The following SMG6 variants were observed in gnomAD, a reference collection of about 807,000 sequenced individuals.
SMG6 encodes the protein SMG6 nonsense mediated mRNA decay factor, also known as telomerase-binding protein EST1A.
A neutral mutation model predicts 142.2 loss-of-function variants in SMG6; 66 were observed. The ratio of observed to expected loss-of-function variants is 0.46; its 90% confidence interval spans 0.38 to 0.57. The LOEUF (loss-of-function observed/expected upper bound fraction) is 0.57. Among genes scored for constraint, SMG6 ranks in the 20% least tolerant of loss-of-function variants. The pLI, the probability that SMG6 is intolerant of heterozygous loss-of-function variation, is 0.00. For missense variants in SMG6, 1,793 were observed against 1,832.0 expected (o/e 0.98, Z 0.39); for synonymous variants, 779 against 702.4 (o/e 1.11, Z -1.72).
chr17:2,284,833 G>A (rs1158045222), intron 6 of SMG6, among the ~76,000 whole-genome samples: 1 of 152,132 alleles, frequency 6.6e-6, no homozygotes, highest in African/African-American at 2.4e-5. Context: ...AATGCATATA[G>A]TTTAACAGAA....
At chr17:2,098,501 G>A (rs2068918943) in intron 13 of SMG6, among the ~76,000 whole-genome samples, 1 of 152,124 alleles carries the variant, frequency 6.6e-6, no homozygotes, top group South Asian at 2.1e-4. Context: ...CCAGGGTAGG[G>A]TTTTACATTC....
chr17:2,262,686 A>T (rs1029252940), intron 8 of SMG6, among the ~76,000 whole-genome samples: 1 of 152,182 alleles, frequency 6.6e-6, no homozygotes, highest in African/African-American at 2.4e-5. Flanking sequence ...TCCAGTGTAT[A>T]TATTTCTATT....
chr17:2,211,666 TA>T (rs58516730), intron 10 of SMG6, among the ~76,000 whole-genome samples: 43,763 of 134,924 alleles, frequency 0.32, 7,057 homozygotes, highest in Admixed American at 0.4. Flanking sequence ...TCCATCTAAT[TA>T]AAAAAAAAAA....
intron 10 of SMG6, chr17:2,214,377 G>A (rs2072952067): frequency 8.2e-6 from 1 of 121,880 alleles, no homozygotes; most frequent in South Asian, 2.7e-4. Flanking sequence ...CCCCAATCCA[G>A]GCTCCCGAAG....
chr17:2,277,537 T>A (rs1567740918), intron 8 of SMG6, among the ~76,000 whole-genome samples: 1 of 152,218 alleles, frequency 6.6e-6, no homozygotes, highest in Non-Finnish European at 1.5e-5. Context: ...TCCTATCTTT[T>A]TCACTATGTC....
intron 8 of SMG6, among the ~76,000 whole-genome samples, chr17:2,259,285 T>C (rs2151330014): frequency 6.6e-6 from 1 of 151,502 alleles, no homozygotes; most frequent in South Asian, 2.1e-4. Context: ...ACCATGCAAG[T>C]TGGCAGAAGC....
chr17:2,231,470 G>T (rs192072089), intron 10 of SMG6, among the ~76,000 whole-genome samples: 3 of 152,262 alleles, frequency 2.0e-5, no homozygotes, highest in African/African-American at 7.2e-5. Flanking sequence ...GGCCGAGGCG[G>T]ACGGATCACG....
chr17:2,271,584 G>A (rs563905097), intron 8 of SMG6, among the ~76,000 whole-genome samples: 3 of 152,082 alleles, frequency 2.0e-5, no homozygotes, highest in South Asian at 2.1e-4. Flanking sequence ...GCATGATGGC[G>A]GGCGCCTGTA....
intron 10 of SMG6, among the ~76,000 whole-genome samples, chr17:2,216,628 T>C (rs2073028761): frequency 6.6e-6 from 1 of 152,258 alleles, no homozygotes; most frequent in Non-Finnish European, 1.5e-5. Context: ...AATCAATCAA[T>C]CACTGATTAG....
At chr17:2,264,837 G>A (rs188150177) in intron 8 of SMG6, among the ~76,000 whole-genome samples, 5 of 152,018 alleles carry the variant, frequency 3.3e-5, no homozygotes, top group African/African-American at 1.2e-4. Flanking sequence ...AGGAGGCGAA[G>A]GTTGCAGTGA....
At chr17:2,271,010 A>G (rs781159670) in intron 8 of SMG6, among the ~76,000 whole-genome samples, 2 of 152,110 alleles carry the variant, frequency 1.3e-5, no homozygotes, top group Non-Finnish European at 1.5e-5. Context: ...GATAAAACAG[A>G]AAAATAAGGC....
intron 6 of SMG6, among the ~76,000 whole-genome samples, chr17:2,289,010 T>G (rs1292568018): frequency 2.3e-5 from 3 of 131,454 alleles, no homozygotes; most frequent in African/African-American, 3.0e-5. Context: ...ACCCGGGAGG[T>G]GGAGCTCGCA....
At chr17:2,236,778 C>A (rs1429517094) in intron 9 of SMG6, 141 bp from the exon 10 acceptor site, 1 of 1,339,570 alleles carries the variant, frequency 7.5e-7, no homozygotes, top group Non-Finnish European at 9.6e-7. Context: ...TAGGACATTT[C>A]TTTGCTACTT....
intron 8 of SMG6, 107 bp downstream of exon 8, chr17:2,282,540 T>C: frequency 9.0e-7 from 1 of 1,113,548 alleles, no homozygotes; most frequent in South Asian, 1.3e-5. Context: ...AAGTGGTTTG[T>C]CTTCCTTGCA....
intron 9 of SMG6, among the ~76,000 whole-genome samples, chr17:2,243,905 T>C (rs1455225571): frequency 6.6e-6 from 1 of 152,196 alleles, no homozygotes; most frequent in Non-Finnish European, 1.5e-5. Flanking sequence ...TTCACTCTCC[T>C]ATACTCAGGG....
At chr17:2,172,004 T>C (rs1031674940) in intron 13 of SMG6, among the ~76,000 whole-genome samples, 2 of 152,142 alleles carry the variant, frequency 1.3e-5, no homozygotes, top group Non-Finnish European at 2.9e-5. Flanking sequence ...CCCTACTCTT[T>C]ACCTGGCTGA....
chr17:2,088,806 C>T, intron 13 of SMG6: 3 of 985,408 alleles, frequency 3.0e-6, no homozygotes, highest in Non-Finnish European at 3.6e-6. Flanking sequence ...CTGTAGCTCA[C>T]TGGCCTGTCT....
At position 2,172,601 on chromosome 17, in the gene SMG6, A is replaced by G. The variant is rs1023005132; in HGVS notation, c.3357+57T>C. On this transcript the variant is annotated intron_variant, in intron 13 of 18. Coordinates refer to ENST00000263073, the MANE Select transcript of SMG6 (RefSeq NM_017575.5). ...ACAGAAAACTTCCCAAGAATAAAAAAGTCTGGAGAATTAAGAGGAGGGGCG... is the reference window on the plus strand; with the variant it reads ...ACAGAAAACTTCCCAAGAATAAAAAGGTCTGGAGAATTAAGAGGAGGGGCG... 6 of 1,574,424 alleles carry G rather than the reference A, an allele frequency of 3.8e-6. No homozygotes were observed. In the Admixed American group the frequency reaches 6.7e-5, roughly 18 times the overall value.
intron 12 of SMG6, among the ~76,000 whole-genome samples, chr17:2,182,572 A>T (rs1160511152): frequency 3.3e-5 from 5 of 152,098 alleles, no homozygotes; most frequent in Non-Finnish European, 7.4e-5. Context: ...GTCCACACAT[A>T]AACTGCTGCC....
Sources: gnomAD v4.1 joint callset for allele counts (sites outside exome capture counted in the v4.1 genomes callset) on GRCh38, gnomAD v4.1.1 for gene constraint, MANE v1.5 for transcripts, NCBI Gene and HGNC (gene_info 2026-07-23, HGNC 2026-07-21) for gene names.